Variants in PAK5 observed in about 807,000 individuals in gnomAD.
PAK5 encodes the protein serine/threonine-protein kinase PAK 5.
Under a neutral mutation model 65.9 loss-of-function variants are expected in PAK5, and 16 were observed. The observed-to-expected ratio is 0.24, with a 90% CI of 0.16 to 0.37. The LOEUF is 0.37. Ranked by LOEUF, PAK5 falls within the 10% of genes least tolerant of loss-of-function variation. The probability of loss-of-function intolerance (pLI) is 1.00; values close to 1 mark genes in which losing one functional copy is unlikely to be tolerated. For synonymous variants in PAK5, 371 were observed against 354.9 expected, an observed-to-expected ratio of 1.05 and a Z score of -0.51; for missense variants, 785 against 903.9, an observed-to-expected ratio of 0.87 and a Z score of 1.69.
At chr20:9,613,886 A>T (rs2046608809) in intron 3 of PAK5, among the ~76,000 whole-genome samples, 1 of 151,800 alleles carries the variant, frequency 6.6e-6, no homozygotes, top group African/African-American at 2.4e-5. Flanking sequence ...CCTTCCCCAC[A>T]CCTCACCAAA....
intron 7 of PAK5, among the ~76,000 whole-genome samples, chr20:9,552,337 T>G (rs530572729): frequency 6.6e-6 from 1 of 152,348 alleles, no homozygotes; most frequent in African/African-American, 2.4e-5. Context: ...TATCAAATGT[T>G]GGCCCTAGGC....
intron 3 of PAK5, among the ~76,000 whole-genome samples, chr20:9,610,708 T>A (rs750746872): frequency 1.3e-5 from 2 of 152,178 alleles, no homozygotes; most frequent in African/African-American, 2.4e-5. Context: ...TCCCTCGGCA[T>A]CTGTGTGCTT....
intron 2 of PAK5, among the ~76,000 whole-genome samples, chr20:9,656,364 A>G (rs1291544098): frequency 6.6e-6 from 1 of 152,120 alleles, no homozygotes; most frequent in Non-Finnish European, 1.5e-5. Context: ...GGGTGAGATC[A>G]GCAGCATGTG....
At chr20:9,708,160 T>C (rs1292690393) in intron 2 of PAK5, among the ~76,000 whole-genome samples, 1 of 152,178 alleles carries the variant, frequency 6.6e-6, no homozygotes, top group Non-Finnish European at 1.5e-5. Flanking sequence ...GACTTTTTAA[T>C]AGATGAGTGT....
chr20:9,625,222 C>T (rs1357253312), intron 3 of PAK5, among the ~76,000 whole-genome samples: 1 of 152,196 alleles, frequency 6.6e-6, no homozygotes, highest in African/African-American at 2.4e-5. Flanking sequence ...GCTCTAGCTT[C>T]AACACCATCT....
chr20:9,769,406 G>C (rs766285964), intron 1 of PAK5, among the ~76,000 whole-genome samples: 1 of 152,188 alleles, frequency 6.6e-6, no homozygotes, highest in Admixed American at 6.5e-5. Flanking sequence ...TAACTACACA[G>C]GTGTCTCTGT....
intron 2 of PAK5, among the ~76,000 whole-genome samples, chr20:9,645,743 C>T (rs190720421): frequency 6.6e-6 from 1 of 152,158 alleles, no homozygotes; most frequent in Admixed American, 6.6e-5. Flanking sequence ...CTCCACCATG[C>T]CCAAGCTAAT....
chr20:9,648,452 C>T (rs912925201), intron 2 of PAK5, among the ~76,000 whole-genome samples: 1 of 151,368 alleles, frequency 6.6e-6, no homozygotes, highest in Non-Finnish European at 1.5e-5. Flanking sequence ...AGGAGGAAAA[C>T]AGGGGTTGAA....
At chr20:9,721,926 A>G (rs2048219931) in intron 1 of PAK5, among the ~76,000 whole-genome samples, 1 of 152,092 alleles carries the variant, frequency 6.6e-6, no homozygotes, top group African/African-American at 2.4e-5. Context: ...CTTCTCCCAT[A>G]TATCATGTTT....
At chr20:9,646,534 C>T (rs574593073) in intron 2 of PAK5, among the ~76,000 whole-genome samples, 2 of 152,140 alleles carry the variant, frequency 1.3e-5, no homozygotes, top group Non-Finnish European at 2.9e-5. Flanking sequence ...TGACCTTAAA[C>T]GCTTGGGCAC....
intron 3 of PAK5, among the ~76,000 whole-genome samples, chr20:9,617,477 A>G (rs2046678883): frequency 6.6e-6 from 1 of 151,868 alleles, no homozygotes; most frequent in Non-Finnish European, 1.5e-5. Flanking sequence ...TTAATTGCTT[A>G]ATTGTAATAT....
intron 2 of PAK5, among the ~76,000 whole-genome samples, chr20:9,657,731 T>A (rs970377998): frequency 2.0e-5 from 3 of 152,168 alleles, no homozygotes; most frequent in Non-Finnish European, 4.4e-5. Context: ...TGCTTTGAGT[T>A]CAGCCTTTAT....
At chr20:9,577,414 T>TACACACACGTGTGTAC (rs2045905184) in intron 4 of PAK5, 7 of 152,144 alleles carry the variant, frequency 4.6e-5, no homozygotes, top group African/African-American at 1.7e-4. Flanking sequence ...CACACATGTG[T>TACACACACGTGTGTAC]ACACACACAT....
intron 3 of PAK5, 73 bp from the exon 4 acceptor site, chr20:9,581,003 C>T: frequency 9.3e-7 from 1 of 1,071,954 alleles, no homozygotes; most frequent in Non-Finnish European, 1.3e-6. Flanking sequence ...CATCCCACCC[C>T]CACTCCATCC....
intron 2 of PAK5, among the ~76,000 whole-genome samples, chr20:9,661,515 T>G (rs548385643): frequency 6.6e-6 from 1 of 152,190 alleles, no homozygotes; most frequent in Non-Finnish European, 1.5e-5. Context: ...ATGAATTGTC[T>G]CCAATGACTA....
intron 6 of PAK5, among the ~76,000 whole-genome samples, chr20:9,560,552 G>C (rs894822617): frequency 6.6e-6 from 1 of 152,086 alleles, no homozygotes; most frequent in Non-Finnish European, 1.5e-5. Context: ...AATAGAGACA[G>C]GGTCTCGCTA....
chr20:9,666,574 T>C (rs2047422499), intron 2 of PAK5, among the ~76,000 whole-genome samples: 1 of 152,190 alleles, frequency 6.6e-6, no homozygotes, highest in South Asian at 2.1e-4. Flanking sequence ...TGATCAATGA[T>C]ACCCATTTCC....
chr20:9,648,370 G>A (rs1054688371), intron 2 of PAK5, among the ~76,000 whole-genome samples: 3 of 152,136 alleles, frequency 2.0e-5, no homozygotes, highest in African/African-American at 7.2e-5. Context: ...GCCCATCAGA[G>A]ATGAAGGGCC....
chr20:9,628,118 A>G (rs1218103764), intron 3 of PAK5, among the ~76,000 whole-genome samples: 1 of 152,244 alleles, frequency 6.6e-6, no homozygotes, highest in Non-Finnish European at 1.5e-5. Flanking sequence ...TATACTTTGT[A>G]CATGTGACCA....
Sources: gnomAD v4.1 joint callset for allele counts (sites outside exome capture counted in the v4.1 genomes callset) on GRCh38, gnomAD v4.1.1 for gene constraint, MANE v1.5 for transcripts, NCBI Gene and HGNC (gene_info 2026-07-23, HGNC 2026-07-21) for gene names.